The following NOS1AP variants were observed in gnomAD, a reference collection of about 807,000 sequenced individuals.
The protein encoded by NOS1AP is nitric oxide synthase 1 adaptor protein.
NOS1AP carries 21 observed loss-of-function variants against 56.2 expected under a neutral mutation model. That is an observed-to-expected ratio of 0.37 (90% CI 0.26 to 0.54). The LOEUF (loss-of-function observed/expected upper bound fraction) is 0.54, where lower values mean the gene tolerates loss of function less well. Among genes scored for constraint, NOS1AP ranks in the 20% least tolerant of loss-of-function variants. The pLI is 0.84. For missense variants in NOS1AP, 522 were observed against 657.8 expected, an observed-to-expected ratio of 0.79 and a Z score of 2.26; for synonymous variants, 270 against 274.6, an observed-to-expected ratio of 0.98 and a Z score of 0.17.
intron 2 of NOS1AP, among the ~76,000 whole-genome samples, chr1:162,227,107 TA>T (rs1165379708): frequency 5.3e-5 from 8 of 152,154 alleles, no homozygotes; most frequent in African/African-American, 1.9e-4. Flanking sequence ...ATATTTAGGC[TA>T]AAAAAATTAT....
chr1:162,217,267 CTTT>C (rs61378473), intron 2 of NOS1AP, among the ~76,000 whole-genome samples: 1 of 68,366 alleles, frequency 1.5e-5, no homozygotes, highest in African/African-American at 5.9e-5. Flanking sequence ...CTGTTGTTAG[CTTT>C]TTTTTTTTTT....
intron 2 of NOS1AP, among the ~76,000 whole-genome samples, chr1:162,258,958 T>A (rs1654121006): frequency 6.6e-6 from 1 of 152,088 alleles, no homozygotes; most frequent in African/African-American, 2.4e-5. Flanking sequence ...GATGGCTAAT[T>A]TTATGTGTAA....
chr1:162,294,061 A>T (rs2101746268), intron 3 of NOS1AP, among the ~76,000 whole-genome samples: 1 of 152,186 alleles, frequency 6.6e-6, no homozygotes, highest in Admixed American at 6.5e-5. Flanking sequence ...ACAGTGTTAA[A>T]CGCCTGTGGG....
At chr1:162,225,330 C>T (rs761793287) in intron 2 of NOS1AP, among the ~76,000 whole-genome samples, 3 of 152,152 alleles carry the variant, frequency 2.0e-5, no homozygotes, top group African/African-American at 4.8e-5. Flanking sequence ...CCCTCACTCC[C>T]TTCAGTGTTC....
intron 4 of NOS1AP, among the ~76,000 whole-genome samples, chr1:162,306,251 C>T (rs1486210929): frequency 6.6e-6 from 1 of 152,134 alleles, no homozygotes; most frequent in African/African-American, 2.4e-5. Context: ...ATGGCAACCA[C>T]CTTTGAGTTT....
intron 3 of NOS1AP, among the ~76,000 whole-genome samples, chr1:162,294,402 G>A (rs1026098923): frequency 1.3e-5 from 2 of 152,156 alleles, no homozygotes; most frequent in Non-Finnish European, 2.9e-5. Context: ...GGAGCAGTCT[G>A]TGGAAAGCAT....
chr1:162,125,367 T>A (rs1648443486), intron 1 of NOS1AP, among the ~76,000 whole-genome samples: 1 of 151,488 alleles, frequency 6.6e-6, no homozygotes, highest in Non-Finnish European at 1.5e-5. Context: ...CTCCTGAGCT[T>A]AGGCAATCTG....
intron 4 of NOS1AP, among the ~76,000 whole-genome samples, chr1:162,327,458 T>C (rs1656628316): frequency 6.6e-6 from 1 of 152,198 alleles, no homozygotes; most frequent in African/African-American, 2.4e-5. Context: ...GGGGCAAACC[T>C]GCATCAGGAA....
At chr1:162,366,839 C>A in intron 9 of NOS1AP, 1 of 632,824 alleles carries the variant, frequency 1.6e-6, no homozygotes, top group Non-Finnish European at 2.9e-6. Context: ...GCCTTTACCA[C>A]GTCCCAAAGC....
In NOS1AP at chr1:162,076,872, T is replaced by C. The variant is rs151319934; in HGVS notation, c.105+6590T>C. ...TATGTGGTCTTTTGTGTCTGACTTC[T>C]TTGCCTTAGTGTTGTGTTTCAGGGT... On this transcript the variant is annotated intron_variant, in intron 1 of 9. Transcript: ENST00000361897. Among the ~76,000 whole-genome samples, 386 of 152,354 alleles carry C rather than the reference T, an allele frequency of 2.5e-3. 2 individuals carry two copies. Among genetic ancestry groups the C allele is most frequent in the Non-Finnish European group, 2.2e-3 (152 of 68,032 alleles).
At position 162,328,235 on chromosome 1, in the gene NOS1AP, T is replaced by C. The variant is rs551918720; in HGVS notation, c.345-4782T>C. On this transcript the variant is annotated intron_variant, in intron 4 of 9. Coordinates refer to ENST00000361897, the MANE Select transcript of NOS1AP (RefSeq NM_014697.3). ...GAGGAGTCGGAGAGTGGGGAGGGCA[T>C]CAGGAAGAATAGCTAATGCATGCTG... 2.1e-4 allele frequency among the ~76,000 whole-genome samples: 32 copies of C among 152,222 alleles called. 1 individual carries two copies. In the South Asian group the frequency reaches 6.2e-3, roughly 30 times the overall value.
intron 4 of NOS1AP, among the ~76,000 whole-genome samples, chr1:162,323,932 C>T (rs1014719311): frequency 1.3e-5 from 2 of 152,072 alleles, no homozygotes; most frequent in African/African-American, 4.8e-5. Flanking sequence ...TTATTTTGCA[C>T]TGGGAAGATT....
chr1:162,102,543 G>A (rs910139737), intron 1 of NOS1AP, among the ~76,000 whole-genome samples: 3 of 152,086 alleles, frequency 2.0e-5, no homozygotes, highest in African/African-American at 4.8e-5. Flanking sequence ...TGTACTTCTG[G>A]TAGAATTCAG....
At chr1:162,364,862 A>G in intron 8 of NOS1AP, 1 of 992,630 alleles carries the variant, frequency 1.0e-6, no homozygotes, top group Middle Eastern at 5.2e-4. Flanking sequence ...ATTTCTCACT[A>G]TGTTTGGGTG....
At chr1:162,161,158 C>G (rs1227911909) in intron 2 of NOS1AP, among the ~76,000 whole-genome samples, 1 of 152,202 alleles carries the variant, frequency 6.6e-6, no homozygotes, top group East Asian at 1.9e-4. Flanking sequence ...TTCTTCCTTC[C>G]CCAGTAATCC....
At position 162,279,321 on chromosome 1, in the gene NOS1AP, C is replaced by T. The variant is rs200600256; in HGVS notation, c.178-8023C>T. Among the ~76,000 whole-genome samples the T allele has an allele frequency of 8.5e-5, 13 of 152,272 alleles. No individual in the cohort carries two copies. The East Asian group carries it at 1.2e-3, about 14-fold the overall frequency. On this transcript the variant is annotated intron_variant, in intron 2 of 9. Transcript: ENST00000361897. ...TCGTCTCCTCTCTACAGGGAGCAAC[C>T]GCCACTTGGAGCTCCCCTGAGTACA...
intron 1 of NOS1AP, among the ~76,000 whole-genome samples, chr1:162,139,328 C>T (rs1372962015): frequency 6.6e-6 from 1 of 152,052 alleles, no homozygotes; most frequent in Non-Finnish European, 1.5e-5. Flanking sequence ...GGCTTGCTTC[C>T]TGTTTGTTTT....
intron 3 of NOS1AP, among the ~76,000 whole-genome samples, chr1:162,294,748 C>G (rs1279868769): frequency 2.6e-5 from 4 of 152,182 alleles, no homozygotes; most frequent in African/African-American, 9.7e-5. Flanking sequence ...GTGTCCTTAG[C>G]AGACGCGGAG....
chr1:162,266,638 T>G (rs1557856404), intron 2 of NOS1AP, among the ~76,000 whole-genome samples: 1 of 152,218 alleles, frequency 6.6e-6, no homozygotes, highest in East Asian at 1.9e-4. Context: ...TTAAACATGG[T>G]TCCTTTTGGT....
Sources: allele counts gnomAD v4.1 joint callset (sites outside exome capture counted in the v4.1 genomes callset), GRCh38; gene constraint gnomAD v4.1.1; transcripts MANE v1.5; gene names NCBI Gene and HGNC (gene_info 2026-07-23, HGNC 2026-07-21).